ABCA8: variants seen among roughly 807,000 people sequenced by gnomAD.
ABCA8 encodes the protein ABC-type organic anion transporter ABCA8.
A neutral mutation model predicts 192.3 loss-of-function variants in ABCA8; 177 were observed. That is an observed-to-expected ratio of 0.92 (90% CI 0.81 to 1.04). ABCA8 has a LOEUF of 1.04. Ranked by LOEUF, ABCA8 falls within the 50% of genes least tolerant of loss-of-function variation. ABCA8 has a pLI of 0.00. For synonymous variants in ABCA8, 642 were observed against 690.2 expected (o/e 0.93, Z 1.09); for missense variants, 1,915 against 1,904.8 (o/e 1.01, Z -0.10).
intron 32 of ABCA8, chr17:68,879,448 T>A (rs916616821): frequency 2.6e-5 from 4 of 152,210 alleles, no homozygotes; most frequent in African/African-American, 9.7e-5. Context: ...AATTACCCCT[T>A]GATGGTGGCT....
chr17:68,885,140 G>T, intron 27 of ABCA8, 56 bp downstream of exon 27: 1 of 1,551,974 alleles, frequency 6.4e-7, no homozygotes, highest in Non-Finnish European at 8.7e-7. Context: ...ATTGGGCAAA[G>T]CTTCACAATT....
At chr17:68,922,389 T>A in intron 11 of ABCA8, 89 bp from the exon 12 acceptor site, 1 of 914,450 alleles carries the variant, frequency 1.1e-6, no homozygotes, top group Non-Finnish European at 1.6e-6. Context: ...AATCTTAACT[T>A]CAGGATACAT....
chr17:68,921,533 G>T, intron 12 of ABCA8, 41 bp from the exon 13 acceptor site: 2 of 1,356,718 alleles, frequency 1.5e-6, no homozygotes, highest in South Asian at 1.3e-5. Context: ...TAAGATAAAG[G>T]GATGGAAAAC....
intron 15 of ABCA8, 59 bp downstream of exon 15, chr17:68,918,368 A>G: frequency 6.5e-7 from 1 of 1,529,052 alleles, no homozygotes. Flanking sequence ...TATTTGAACT[A>G]TTACCAAAAG....
At chr17:68,923,221 A>G (rs1428940058) in intron 11 of ABCA8, among the ~76,000 whole-genome samples, 3 of 148,212 alleles carry the variant, frequency 2.0e-5, no homozygotes, top group Admixed American at 6.7e-5. Flanking sequence ...TTTTTTTGAG[A>G]GAGAGTCTTG....
rs2068239032 is a variant in ABCA8, at chr17:68,941,876, A to T, written c.96+63T>A. On this transcript the variant is annotated intron_variant, in intron 3 of 39. Transcript: ENST00000586539. ...CGGGGGAGATACACATGGCATAGAT[A>T]ACTCCCAGGCAACACGTATTTTCCT... 25 of 1,182,406 alleles carry T rather than the reference A, an allele frequency of 2.1e-5. No individual in the cohort carries two copies. In the South Asian group the frequency reaches 3.2e-4, roughly 15 times the overall value. The allele number at this position is 1,182,406 out of a possible 1,614,324, so 73.2% of individuals were successfully genotyped here.
intron 37 of ABCA8, among the ~76,000 whole-genome samples, chr17:68,870,349 G>A (rs1398433551): frequency 6.6e-6 from 1 of 152,176 alleles, no homozygotes; most frequent in Middle Eastern, 3.2e-3. Flanking sequence ...GCCCCATCTT[G>A]GGACAGTTTG....
chr17:68,884,813 A>G (rs545615248), intron 27 of ABCA8: 2 of 985,406 alleles, frequency 2.0e-6, no homozygotes, highest in Admixed American at 1.2e-4. Context: ...TATAGGTATC[A>G]GTCAGCCAGA....
rs771944541 is a variant in ABCA8 at position 68,902,785 on chromosome 17, G to A, written c.2692C>T (p.His898Tyr). Residue 898 changes from histidine to tyrosine, a missense_variant, in exon 21 of 40, where the codon CAT becomes TAT. Coordinates refer to ENST00000586539, the MANE Select transcript of ABCA8 (RefSeq NM_001288985.2). ...TGTCCAGGAGCAAGGAAATACAAAT[G>A]AGGAGAAAGTTCCCAGGTGTAACTG... ...QNSYTWELSPHLYFLAPGQQP... is the reference protein window; with the variant it reads ...QNSYTWELSPYLYFLAPGQQP... The A allele has an allele frequency of 1.2e-6, 2 of 1,613,740 alleles. No homozygotes were observed. Among genetic ancestry groups the A allele is most frequent in the South Asian group, 2.2e-5 (2 of 91,070 alleles).
chr17:68,929,334 A>G, intron 8 of ABCA8, 100 bp from the exon 9 acceptor site: 1 of 1,107,736 alleles, frequency 9.0e-7, no homozygotes, highest in Non-Finnish European at 1.3e-6. Context: ...TGTATGTAAC[A>G]GTTGTATATT....
rs1042733067 is a variant in ABCA8 at position 68,877,738 on chromosome 17, C to A, written c.4039-59G>T. ...TCTGCACTGCTTCTTTGAGTATTTC[C>A]ATGACATCATTCTCTTCACGAACCT... On this transcript the variant is annotated intron_variant, in intron 32 of 39. Coordinates refer to ENST00000586539, the MANE Select transcript of ABCA8 (RefSeq NM_001288985.2). The A allele has an allele frequency of 2.0e-6, 3 of 1,509,432 alleles. No homozygotes were observed. The African/African-American group carries it at 4.2e-5, about 21-fold the overall frequency. The allele number at this position is 1,509,432 out of a possible 1,614,324, so 93.5% of individuals were successfully genotyped here. A position where few individuals can be genotyped will look rare whatever the true frequency, so the allele number is the denominator to read the frequency against.
intron 11 of ABCA8, among the ~76,000 whole-genome samples, chr17:68,924,126 C>T (rs1407620203): frequency 6.6e-6 from 1 of 151,984 alleles, no homozygotes; most frequent in Admixed American, 6.6e-5. Flanking sequence ...TTTGTGAGGC[C>T]AAGTGAAGTT....
At chr17:68,894,809 G>T in intron 22 of ABCA8, 71 bp downstream of exon 22, 5 of 1,459,986 alleles carry the variant, frequency 3.4e-6, no homozygotes, top group Non-Finnish European at 4.6e-6. Context: ...TTCTTAAGTT[G>T]GAAGCCTGAG....
intron 26 of ABCA8, among the ~76,000 whole-genome samples, chr17:68,886,369 C>A (rs977069650): frequency 1.3e-5 from 2 of 152,148 alleles, no homozygotes; most frequent in African/African-American, 4.8e-5. Context: ...TTCCTAGGAT[C>A]AGCTTGGGCT....
At chr17:68,906,754 G>A (rs1219838490) in intron 18 of ABCA8, among the ~76,000 whole-genome samples, 1 of 152,158 alleles carries the variant, frequency 6.6e-6, no homozygotes, top group Non-Finnish European at 1.5e-5. Flanking sequence ...CTGGAATTGT[G>A]ACAGTGATTA....
intron 1 of ABCA8, among the ~76,000 whole-genome samples, chr17:68,950,504 T>G (rs879833217): frequency 5.3e-5 from 8 of 152,196 alleles, no homozygotes; most frequent in Non-Finnish European, 1.2e-4. Context: ...GAAAACCTAT[T>G]ATAAATGGAT....
chr17:68,868,305 T>G lies in ABCA8; in HGVS notation c.4763A>C (p.Glu1588Ala), dbSNP rs1302988744. ...EEYSLSQSTL[E>A]QVFLELSKEQ... ...GAATCCCTAAAAATGACCCACCTGC[T>G]CCAGGGTAGACTGTGAGAGGCTGTA... Residue 1588 changes from glutamate (E) to alanine (A), a missense_variant, in exon 39 of 40, where the codon GAG becomes GCG. By Grantham distance (107) the Glu-to-Ala change is moderately radical. Coordinates refer to ENST00000586539, the MANE Select transcript of ABCA8 (RefSeq NM_001288985.2). 1.9e-6 allele frequency: 3 copies of G among 1,613,580 alleles called. No homozygotes were observed. Among genetic ancestry groups the G allele is most frequent in the Non-Finnish European group, 2.5e-6 (3 of 1,179,714 alleles).
chr17:68,887,389 T>C lies in ABCA8; in HGVS notation c.3262A>G (p.Ser1088Gly). ...ATGTCTTCGAAGTTTGAAATGTAGCTCATTAAATATATAAAAACGAAGACC... is the reference window on the plus strand; with the variant it reads ...ATGTCTTCGAAGTTTGAAATGTAGCCCATTAAATATATAAAAACGAAGACC... ...FLVFVFIYLM[S>G]YISNFEDMLL... is the part of the protein sequence containing the mutation. The change falls in exon 25 of 40, where the codon AGC becomes GGC. Residue 1088 changes from serine to glycine, a missense_variant. Transcript: ENST00000586539. 6.2e-7 allele frequency: 1 copy of C among 1,612,670 alleles called. No individual in the cohort carries two copies. Among genetic ancestry groups the C allele is most frequent in the Non-Finnish European group, 8.5e-7 (1 of 1,179,080 alleles).
chr17:68,933,046 T>C, intron 6 of ABCA8, 122 bp downstream of exon 6: 1 of 724,618 alleles, frequency 1.4e-6, no homozygotes, highest in East Asian at 2.5e-5. Flanking sequence ...TCAGTAAACT[T>C]CAGAGTGAGC....
Sources: gnomAD v4.1 joint callset for allele counts (sites outside exome capture counted in the v4.1 genomes callset) on GRCh38, gnomAD v4.1.1 for gene constraint, MANE v1.5 for transcripts, NCBI Gene and HGNC (gene_info 2026-07-23, HGNC 2026-07-21) for gene names.